FSTL5: variants seen among roughly 807,000 people sequenced by gnomAD.
FSTL5 encodes the protein follistatin like 5.
FSTL5 carries 62 observed loss-of-function variants against 89.1 expected under a neutral mutation model. That is an observed-to-expected ratio of 0.70 (90% confidence interval 0.57 to 0.86). The LOEUF is 0.86. Ranked by LOEUF, FSTL5 falls within the 40% of genes least tolerant of loss-of-function variation. The probability of loss-of-function intolerance (pLI) is 0.00; values close to 1 mark genes in which losing one functional copy is unlikely to be tolerated. For synonymous variants in FSTL5, 383 were observed against 346.2 expected (o/e 1.11, Z -1.18); for missense variants, 1,057 against 1,001.6 (o/e 1.06, Z -0.75).
intron 3 of FSTL5, among the ~76,000 whole-genome samples, chr4:161,929,552 G>T (rs1734223536): frequency 6.6e-6 from 1 of 151,522 alleles, no homozygotes; most frequent in Non-Finnish European, 1.5e-5. Flanking sequence ...TTTTTTTGTG[G>T]AATGTACATA....
chr4:162,009,804 T>C (rs1180629000), intron 3 of FSTL5, among the ~76,000 whole-genome samples: 1 of 152,086 alleles, frequency 6.6e-6, no homozygotes. Context: ...CCTATGTACA[T>C]TATGTAAATA....
intron 8 of FSTL5, among the ~76,000 whole-genome samples, chr4:161,580,330 A>G (rs991763710): frequency 6.6e-5 from 10 of 152,202 alleles, no homozygotes; most frequent in Non-Finnish European, 1.2e-4. Flanking sequence ...TCTTAGGGGA[A>G]GCTACAATAG....
chr4:161,461,934 T>TA (rs5863460), intron 13 of FSTL5, among the ~76,000 whole-genome samples: 244 of 151,192 alleles, frequency 1.6e-3, no homozygotes, highest in African/African-American at 5.4e-3. Context: ...AAAGAAACAG[T>TA]AAAAAAAAAA....
At chr4:161,680,363 C>T (rs2126707816) in intron 6 of FSTL5, among the ~76,000 whole-genome samples, 1 of 151,924 alleles carries the variant, frequency 6.6e-6, no homozygotes, top group South Asian at 2.1e-4. Flanking sequence ...TTATTACTTC[C>T]CTTATGCATT....
At chr4:161,417,026 G>A (rs1731811966) in intron 15 of FSTL5, among the ~76,000 whole-genome samples, 1 of 151,876 alleles carries the variant, frequency 6.6e-6, no homozygotes. Flanking sequence ...AGTGTCTTGG[G>A]TTTTTATTTA....
intron 8 of FSTL5, among the ~76,000 whole-genome samples, chr4:161,560,768 T>C (rs1486454870): frequency 2.6e-5 from 4 of 151,902 alleles, no homozygotes; most frequent in Admixed American, 1.3e-4. Flanking sequence ...ATAACACACA[T>C]GGAGTTGTCA....
At chr4:162,160,185 T>C (rs1490742616) in intron 1 of FSTL5, among the ~76,000 whole-genome samples, 1 of 149,922 alleles carries the variant, frequency 6.7e-6, no homozygotes, top group Non-Finnish European at 1.5e-5. Context: ...CTTATACTAT[T>C]ATTTAATTCA....
intron 15 of FSTL5, among the ~76,000 whole-genome samples, chr4:161,454,162 C>G (rs953065837): frequency 6.6e-6 from 1 of 152,080 alleles, no homozygotes; most frequent in Non-Finnish European, 1.5e-5. Context: ...GAAACAAATA[C>G]GCACAATAAT....
chr4:162,085,835 T>C (rs944113960), intron 2 of FSTL5, among the ~76,000 whole-genome samples: 2 of 152,174 alleles, frequency 1.3e-5, no homozygotes, highest in African/African-American at 4.8e-5. Context: ...AGCTTTGGAT[T>C]TGATACCTTT....
chr4:161,472,371 T>C (rs1176931262), intron 13 of FSTL5, among the ~76,000 whole-genome samples: 5 of 152,188 alleles, frequency 3.3e-5, no homozygotes, highest in Non-Finnish European at 7.3e-5. Context: ...AGTTCCTTCT[T>C]TCTGCTAGCT....
intron 4 of FSTL5, among the ~76,000 whole-genome samples, chr4:161,789,934 T>C (rs1408107658): frequency 6.6e-6 from 1 of 152,228 alleles, no homozygotes; most frequent in Non-Finnish European, 1.5e-5. Flanking sequence ...ATTTTTCCAT[T>C]CTTTATTGCT....
At chr4:161,732,654 C>T (rs756783372) in intron 6 of FSTL5, among the ~76,000 whole-genome samples, 29 of 151,974 alleles carry the variant, frequency 1.9e-4, no homozygotes, top group African/African-American at 5.8e-4. Flanking sequence ...TAATTTCCTT[C>T]GACTTACTTT....
At chr4:161,448,814 A>G (rs1055557309) in intron 15 of FSTL5, among the ~76,000 whole-genome samples, 1 of 152,088 alleles carries the variant, frequency 6.6e-6, no homozygotes, top group African/African-American at 2.4e-5. Flanking sequence ...ACTGTTGAGG[A>G]TCCTAAAGGA....
chr4:162,123,479 A>G (rs1731949011), intron 1 of FSTL5, among the ~76,000 whole-genome samples: 1 of 152,142 alleles, frequency 6.6e-6, no homozygotes, highest in Non-Finnish European at 1.5e-5. Context: ...GTTGCACTAT[A>G]AAGATTCTCA....
chr4:161,818,285 C>T (rs1579114432), intron 4 of FSTL5, among the ~76,000 whole-genome samples: 1 of 152,180 alleles, frequency 6.6e-6, no homozygotes, highest in African/African-American at 2.4e-5. Context: ...ATCTTCCTTC[C>T]GGCTCCCCCA....
At position 162,054,649 on chromosome 4, in the gene FSTL5, AT is replaced by A. The variant is rs1268445453; in HGVS notation, c.127-20992del. ...TCCCATCACTCTCTTTTCTTAGAGC[AT>A]TTACTTTAAAGAAACTTCTAATCAT... is the stretch of plus-strand genomic sequence containing the variant. On this transcript the variant is annotated intron_variant, in intron 2 of 15. Transcript: ENST00000306100. 1.3e-5 allele frequency among the ~76,000 whole-genome samples: 2 copies of A among 151,864 alleles called. 1 individual carries two copies. Among genetic ancestry groups the A allele is most frequent in the African/African-American group, 4.8e-5 (2 of 41,334 alleles).
chr4:161,759,749 C>T (rs894974189), intron 5 of FSTL5, among the ~76,000 whole-genome samples: 1 of 152,268 alleles, frequency 6.6e-6, no homozygotes, highest in African/African-American at 2.4e-5. Flanking sequence ...ATTACAATTT[C>T]GTTCAAACGT....
At chr4:161,976,728 G>A (rs1222321896) in intron 3 of FSTL5, among the ~76,000 whole-genome samples, 4 of 152,178 alleles carry the variant, frequency 2.6e-5, no homozygotes, top group Middle Eastern at 3.4e-3. Flanking sequence ...TGATCCACCC[G>A]CCTCAGCCTC....
At chr4:161,725,430 A>G (rs1739363870) in intron 6 of FSTL5, among the ~76,000 whole-genome samples, 1 of 152,070 alleles carries the variant, frequency 6.6e-6, no homozygotes, top group African/African-American at 2.4e-5. Flanking sequence ...AATTTTTTAA[A>G]ATAGTTAAAT....
Sources: allele counts gnomAD v4.1 joint callset (sites outside exome capture counted in the v4.1 genomes callset), GRCh38; gene constraint gnomAD v4.1.1; transcripts MANE v1.5; gene names NCBI Gene and HGNC (gene_info 2026-07-23, HGNC 2026-07-21).